The following PRR35 variants were observed in gnomAD, a reference collection of about 807,000 sequenced individuals.
PRR35 encodes proline rich 35, also known as proline-rich protein 35.
Under a neutral mutation model 18.6 loss-of-function variants are expected in PRR35, and 14 were observed. The observed-to-expected ratio is 0.75, with a 90% CI of 0.50 to 1.18. The LOEUF is 1.18. Among genes scored for constraint, PRR35 ranks in the 50% most tolerant of loss-of-function variants. The pLI, the probability that PRR35 is intolerant of heterozygous loss-of-function variation, is 0.00. For missense variants in PRR35, 832 were observed against 792.2 expected (o/e 1.05, Z -0.60); for synonymous variants, 425 against 378.2 (o/e 1.12, Z -1.43).
chr16:563,465 G>A lies in PRR35; in HGVS notation c.171G>A (p.Lys57=). 1 of 1,612,540 alleles carries A rather than the reference G, an allele frequency of 6.2e-7. No individual in the cohort carries two copies. The highest frequency in any genetic ancestry group is 8.5e-7 in the Non-Finnish European group (1 of 1,179,650). The part of the protein sequence containing the change: ...LEKSHLYNHM[K]YSLCKDSLSL... ...AGTCACACCTCTACAACCACATGAA[G>A]TACAGCCTCTGCAAGGACTCCCTGT... The change falls in exon 2 of 3, where the codon AAG becomes AAA. Residue 57 remains lysine, a synonymous_variant. Coordinates refer to ENST00000409413, the MANE Select transcript of PRR35 (RefSeq NM_145270.3).
At position 565,361 on chromosome 16, in the gene PRR35, C is replaced by G; in HGVS notation, c.*54C>G. 1.4e-6 allele frequency: 2 copies of G among 1,407,764 alleles called. No homozygotes were observed. Among genetic ancestry groups the G allele is most frequent in the Non-Finnish European group, 1.9e-6 (2 of 1,076,016 alleles). 87.2% of individuals were successfully genotyped at this position (1,407,764 alleles called of 1,614,324 possible). ...TGCCTGCAGCATGCCGGCCCCTCTC[C>G]TGCAGCCCCTGCCCCTCACCTGCCT... On this transcript the variant is annotated 3_prime_UTR_variant, in exon 3 of 3. Transcript: ENST00000409413.
Position 564,143 on chromosome 16 carries a change from T to G in PRR35, c.849T>G (p.Leu283=). The change falls in exon 2 of 3, where the codon CTT becomes CTG. Residue 283 remains leucine, a synonymous_variant. Coordinates refer to ENST00000409413, the MANE Select transcript of PRR35 (RefSeq NM_145270.3). ...GGCTGCCAGCAGGCAAAGCTGCCCT[T>G]GCCAAGGCCCCTGTCTCCCCCAGGA... ...TLGLPAGKAA[L]AKAPVSPRSP... is the part of the protein sequence containing the mutation. 6.4e-7 allele frequency: 1 copy of G among 1,574,722 alleles called. No homozygotes were observed. Among genetic ancestry groups the G allele is most frequent in the Non-Finnish European group, 8.6e-7 (1 of 1,168,168 alleles).
At position 564,241 on chromosome 16, in the gene PRR35, C is replaced by A. The variant is rs909014773; in HGVS notation, c.947C>A (p.Thr316Asn). The change falls in exon 2 of 3, where the codon ACC becomes AAC. Residue 316 changes from threonine to asparagine, a missense_variant. Thr to Asn is a moderately conservative substitution (Grantham distance 65). This residue lies in a region of PRR35 where 768 missense variants were observed against 704.1 expected (regional missense o/e 1.09). Transcript: ENST00000409413. ...GGGCTGGGGCCCTGGCCCCGAGTCA[C>A]CCCCAGGGACCCAGGGCAGGAGGGG... ...VPGLGPWPRVTPRDPGQEGEL... is the reference protein window; with the variant it reads ...VPGLGPWPRVNPRDPGQEGEL... 3.2e-6 allele frequency: 5 copies of A among 1,574,026 alleles called. No individual in the cohort carries two copies. Among genetic ancestry groups the A allele is most frequent in the East Asian group, 2.3e-5 (1 of 43,326 alleles).
In PRR35 at chr16:564,053, G is replaced by A; in HGVS notation, c.759G>A (p.Gln253=). Residue 253 remains glutamine (Q), a synonymous_variant, in exon 2 of 3, where the codon CAG becomes CAA. Transcript: ENST00000409413. ...CGGCCACGGCCTTCCCAGCCGTGCAGCCCCCTCAGCGCCCCACCCCGGCCC... is the reference window on the plus strand; with the variant it reads ...CGGCCACGGCCTTCCCAGCCGTGCAACCCCCTCAGCGCCCCACCCCGGCCC... ...LPPATAFPAV[Q]PPQRPTPAPR... 6.4e-7 allele frequency: 1 copy of A among 1,552,254 alleles called. No individual in the cohort carries two copies. Among genetic ancestry groups the A allele is most frequent in the Non-Finnish European group, 8.7e-7 (1 of 1,153,776 alleles).
At position 564,440 on chromosome 16, in the gene PRR35, TTGGGCGGCTGGGCATGGCGGC is replaced by T. The variant is rs1216471906; in HGVS notation, c.1082+69_1082+89del. 7.0e-6 allele frequency: 11 copies of T among 1,560,342 alleles called. No homozygotes were observed. The African/African-American group carries it at 1.1e-4, about 15-fold the overall frequency. On this transcript the variant is annotated intron_variant, in intron 2 of 2. Coordinates refer to ENST00000409413, the MANE Select transcript of PRR35 (RefSeq NM_145270.3). Reference sequence around the variant, plus strand: ...GGGGCTGGGCGGCTGGGCATGGCGGTTGGGCGGCTGGGCATGGCGGCTGGGGTCCGTCCTGAGCTCAGTCGC... The same window carrying T: ...GGGGCTGGGCGGCTGGGCATGGCGGTTGGGGTCCGTCCTGAGCTCAGTCGC...
At position 564,830 on chromosome 16, in the gene PRR35, T is replaced by A. The variant is rs769555736; in HGVS notation, c.1239T>A (p.Gly413=). The change falls in exon 3 of 3, where the codon GGT becomes GGA. Residue 413 remains glycine (G), a synonymous_variant. Transcript: ENST00000409413. ...HVGEDLTRAL[G]DYARVEQRLG... Reference sequence around the variant, plus strand: ...GCGAGGACCTGACCCGAGCCCTCGGTGACTACGCCAGGGTGGAGCAGCGCC... The same window carrying A: ...GCGAGGACCTGACCCGAGCCCTCGGAGACTACGCCAGGGTGGAGCAGCGCC... The A allele has an allele frequency of 6.4e-7, 1 of 1,559,990 alleles. No homozygotes were observed.
Position 564,909 on chromosome 16 carries a change from C to T in PRR35, c.1318C>T (p.Leu440=), listed in dbSNP as rs1331194631. ...GLAPRPLREQ[L]GKIRLELLTI... ...GGCCCCGAGACCCCTGCGGGAGCAGCTGGGCAAGATCCGCCTGGAGCTGCT... is the reference window on the plus strand; with the variant it reads ...GGCCCCGAGACCCCTGCGGGAGCAGTTGGGCAAGATCCGCCTGGAGCTGCT... Residue 440 remains leucine, a synonymous_variant, in exon 3 of 3, where the codon CTG becomes TTG. Coordinates refer to ENST00000409413, the MANE Select transcript of PRR35 (RefSeq NM_145270.3). 8 of 1,594,896 alleles carry T rather than the reference C, an allele frequency of 5.0e-6. No individual in the cohort carries two copies. In the South Asian group the frequency reaches 7.9e-5, roughly 16 times the overall value.
At position 563,842 on chromosome 16, in the gene PRR35, C is replaced by A. The variant is rs1383124235; in HGVS notation, c.548C>A (p.Pro183His). 3 of 1,524,114 alleles carry A rather than the reference C, an allele frequency of 2.0e-6. No individual in the cohort carries two copies. Among genetic ancestry groups the A allele is most frequent in the Non-Finnish European group, 2.7e-6 (3 of 1,131,966 alleles). 94.4% of individuals were successfully genotyped at this position (1,524,114 alleles called of 1,614,324 possible). A position where few individuals can be genotyped will look rare whatever the true frequency, so the allele number is the denominator to read the frequency against. Residue 183 changes from proline (P) to histidine (H), a missense_variant, in exon 2 of 3, where the codon CCT becomes CAT. Pro to His is a moderately conservative substitution (Grantham distance 77). Coordinates refer to ENST00000409413, the MANE Select transcript of PRR35 (RefSeq NM_145270.3). ...GCGGGGGACATGGCCTCAGCAGGCC[C>A]TGAGGGCAGCGTCCCCTGCTATCCC... ...VGAGDMASAG[P>H]EGSVPCYPPP...
chr16:564,086 G>A lies in PRR35; in HGVS notation c.792G>A (p.Leu264=), dbSNP rs994956215. Reference sequence around the variant, plus strand: ...AGCGCCCCACCCCGGCCCCCCGCCTGTACTACCCGCTGCTTCTGGAGCACA... The same window carrying A: ...AGCGCCCCACCCCGGCCCCCCGCCTATACTACCCGCTGCTTCTGGAGCACA... ...PPQRPTPAPR[L]YYPLLLEHTL... The change falls in exon 2 of 3, where the codon CTG becomes CTA. Residue 264 remains leucine, a synonymous_variant. Transcript: ENST00000409413. 7.7e-6 allele frequency: 12 copies of A among 1,562,494 alleles called. No homozygotes were observed. The highest frequency in any genetic ancestry group is 4.1e-5 in the African/African-American group (3 of 72,638).
intron 1 of PRR35, among the ~76,000 whole-genome samples, chr16:561,453 G>T (rs1251227671): frequency 6.6e-6 from 1 of 152,174 alleles, no homozygotes; most frequent in African/African-American, 2.4e-5. Flanking sequence ...TGGGTGGGGG[G>T]GGCGGCGGGC....
At position 564,926 on chromosome 16, in the gene PRR35, G is replaced by A. The variant is rs1292152976; in HGVS notation, c.1335G>A (p.Leu445=). ...PLREQLGKIR[L]ELLTIHQALE... is the part of the protein sequence containing the mutation. ...GGGAGCAGCTGGGCAAGATCCGCCT[G>A]GAGCTGCTCACCATTCACCAGGCGC... Residue 445 remains leucine (L), a synonymous_variant, in exon 3 of 3, where the codon CTG becomes CTA. Transcript: ENST00000409413. 3 of 1,602,258 alleles carry A rather than the reference G, an allele frequency of 1.9e-6. No homozygotes were observed. The highest frequency in any genetic ancestry group is 2.5e-6 in the Non-Finnish European group (3 of 1,177,440).
rs375348801 is a variant in PRR35, at chr16:564,900, C to A, written c.1309C>A (p.Arg437=). ...PAGGLAPRPL[R]EQLGKIRLEL... The stretch of plus-strand genomic sequence containing the variant: ...GGGGGGCCTGGCCCCGAGACCCCTG[C>A]GGGAGCAGCTGGGCAAGATCCGCCT... The change falls in exon 3 of 3, where the codon CGG becomes AGG. Residue 437 remains arginine (R), a synonymous_variant. Transcript: ENST00000409413. 1 of 1,590,252 alleles carries A rather than the reference C, an allele frequency of 6.3e-7. No homozygotes were observed. The highest frequency in any genetic ancestry group is 8.5e-7 in the Non-Finnish European group (1 of 1,172,568).
chr16:559,921 G>A (rs2035406506), upstream of PRR35, among the ~76,000 whole-genome samples: 1 of 152,156 alleles, frequency 6.6e-6, no homozygotes, highest in Non-Finnish European at 1.5e-5. Flanking sequence ...TGTCCCCCAG[G>A]ACAGCCCCCA....
rs1387135907 is a variant in PRR35 at position 565,287 on chromosome 16, C to A, written c.1696C>A (p.Pro566Thr). The A allele has an allele frequency of 3.9e-6, 6 of 1,525,854 alleles. No individual in the cohort carries two copies. Among genetic ancestry groups the A allele is most frequent in the Non-Finnish European group, 4.4e-6 (5 of 1,136,506 alleles). 94.5% of individuals were successfully genotyped at this position (1,525,854 alleles called of 1,614,324 possible). Residue 566 changes from proline to threonine, a missense_variant, in exon 3 of 3, where the codon CCC (proline) becomes ACC (threonine). By Grantham distance (38) the Pro-to-Thr change is conservative (BLOSUM62 -1). Transcript: ENST00000409413. Reference sequence around the variant, plus strand: ...TGAGGCTGTCTGTGGCCTGCAGAGCCCCCAGGGCGCCGAGGTCTGACCTGC... The same window carrying A: ...TGAGGCTGTCTGTGGCCTGCAGAGCACCCAGGGCGCCGAGGTCTGACCTGC... Reference protein sequence around the residue: ...TPEAVCGLQSPQGAEV With the variant: ...TPEAVCGLQSTQGAEV
Position 565,357 on chromosome 16 carries a change from T to C in PRR35, c.*50T>C. ...TCTCTGCCTGCAGCATGCCGGCCCC[T>C]CTCCTGCAGCCCCTGCCCCTCACCT... On this transcript the variant is annotated 3_prime_UTR_variant, in exon 3 of 3. Coordinates refer to ENST00000409413, the MANE Select transcript of PRR35 (RefSeq NM_145270.3). 7.1e-7 allele frequency: 1 copy of C among 1,411,644 alleles called. No homozygotes were observed. The highest frequency in any genetic ancestry group is 9.3e-7 in the Non-Finnish European group (1 of 1,079,184). 87.4% of individuals were successfully genotyped at this position (1,411,644 alleles called of 1,614,324 possible).
chr16:563,117 G>GGGGCACGTTGCA, intron 1 of PRR35, 139 bp from the exon 2 acceptor site: 1 of 794,488 alleles, frequency 1.3e-6, no homozygotes, highest in Non-Finnish European at 1.9e-6. Context: ...TGGGGCTCGG[G>GGGGCACGTTGCA]GGGCACGTTG....
chr16:560,404 G>C lies in PRR35; in HGVS notation c.-297G>C. On this transcript the variant is annotated 5_prime_UTR_variant, in exon 1 of 3. Transcript: ENST00000409413. ...CCCGCCTCTGCCGCCAACTTCGGGA[G>C]GTGCGAGCGGCGTCGGGGGGACGCG... 1 of 983,102 alleles carries C rather than the reference G, an allele frequency of 1.0e-6. No individual in the cohort carries two copies. The highest frequency in any genetic ancestry group is 4.7e-5 in the South Asian group (1 of 21,296). The allele number at this position is 983,102 out of a possible 1,614,324, so 60.9% of individuals were successfully genotyped here.
chr16:559,862 G>T (rs983513912), upstream of PRR35: 7 of 667,756 alleles, frequency 1.0e-5, no homozygotes, highest in Non-Finnish European at 1.3e-5. Context: ...CTCGCCCAGG[G>T]AGGGCAAGGA....
chr16:563,329 C>T lies in PRR35; in HGVS notation c.35C>T (p.Thr12Ile). ...SREAGSCRVG[T>I]GARARSRKPK... Reference sequence around the variant, plus strand: ...GAGGCGGGCTCATGCCGCGTGGGCACAGGGGCGAGGGCGCGGTCTCGGAAG... The same window carrying T: ...GAGGCGGGCTCATGCCGCGTGGGCATAGGGGCGAGGGCGCGGTCTCGGAAG... The change falls in exon 2 of 3, where the codon ACA (threonine) becomes ATA (isoleucine). Residue 12 changes from threonine to isoleucine, a missense_variant. By Grantham distance (89) the Thr-to-Ile change is moderately conservative. This residue lies in a region of PRR35 where 56 missense variants were observed against 64.8 expected (regional missense o/e 0.86). Transcript: ENST00000409413. 1 of 1,611,322 alleles carries T rather than the reference C, an allele frequency of 6.2e-7. No homozygotes were observed. Among genetic ancestry groups the T allele is most frequent in the Non-Finnish European group, 8.5e-7 (1 of 1,179,434 alleles).
Sources: gnomAD v4.1 joint callset for allele counts (sites outside exome capture counted in the v4.1 genomes callset) on GRCh38, gnomAD v4.1.1 for gene constraint, gnomAD v4.1.1 regional missense constraint, MANE v1.5 for transcripts, NCBI Gene and HGNC (gene_info 2026-07-23, HGNC 2026-07-21) for gene names.